FBXL7: variants seen among roughly 807,000 people sequenced by gnomAD.
The protein encoded by FBXL7 is F-box/LRR-repeat protein 7.
FBXL7 carries 12 observed loss-of-function variants against 38.3 expected under a neutral mutation model. The ratio of observed to expected loss-of-function variants is 0.31; its 90% CI spans 0.20 to 0.51. FBXL7 has a LOEUF of 0.51. Among genes scored for constraint, FBXL7 ranks in the 20% least tolerant of loss-of-function variants. The pLI is 0.98. For missense variants in FBXL7, 567 were observed against 676.4 expected (o/e 0.84, Z 1.79); for synonymous variants, 297 against 300.9 (o/e 0.99, Z 0.13).
In FBXL7 at chr5:15,644,506, A is replaced by G. The variant is rs144277416; in HGVS notation, c.127+28434A>G. On this transcript the variant is annotated intron_variant, in intron 2 of 3. Transcript: ENST00000504595. ...AAATGGTAATGACTTCTCTCCTGCC[A>G]CATCAAAGGTGGAACGTGGGTGGTG... is the stretch of plus-strand genomic sequence containing the variant. 1.8e-3 allele frequency among the ~76,000 whole-genome samples: 268 copies of G among 151,860 alleles called. 1 individual carries two copies. The highest frequency in any genetic ancestry group is 6.2e-3 in the African/African-American group (255 of 41,398).
intron 2 of FBXL7, among the ~76,000 whole-genome samples, chr5:15,851,128 A>G (rs982161059): frequency 3.3e-5 from 5 of 152,100 alleles, no homozygotes; most frequent in Non-Finnish European, 7.3e-5. Context: ...GGATACACAC[A>G]CCCGGCCATT....
At chr5:15,834,830 GATTAC>G (rs1203396825) in intron 2 of FBXL7, among the ~76,000 whole-genome samples, 2 of 152,152 alleles carry the variant, frequency 1.3e-5, no homozygotes, top group Admixed American at 1.3e-4. Context: ...GGAGTATGCA[GATTAC>G]AGAAGTGCTC....
chr5:15,503,858 A>C (rs1045698220), intron 1 of FBXL7, among the ~76,000 whole-genome samples: 2 of 152,226 alleles, frequency 1.3e-5, no homozygotes, highest in African/African-American at 4.8e-5. Flanking sequence ...ATGTTTGTTG[A>C]ATATTACAAA....
chr5:15,673,131 C>T (rs912437079), intron 2 of FBXL7, among the ~76,000 whole-genome samples: 2 of 152,030 alleles, frequency 1.3e-5, no homozygotes, highest in African/African-American at 2.4e-5. Context: ...GCCTGGCCAA[C>T]ATGGCAAAAC....
chr5:15,806,114 A>T (rs1001569365), intron 2 of FBXL7, among the ~76,000 whole-genome samples: 3 of 152,198 alleles, frequency 2.0e-5, no homozygotes, highest in African/African-American at 7.2e-5. Context: ...AGAAGGACAA[A>T]ATGACTTAAA....
At chr5:15,785,546 T>C (rs1008156596) in intron 2 of FBXL7, among the ~76,000 whole-genome samples, 1 of 152,328 alleles carries the variant, frequency 6.6e-6, no homozygotes, top group African/African-American at 2.4e-5. Flanking sequence ...TTCTGTGCTT[T>C]CAAGCATGTA....
chr5:15,920,300 T>C (rs528733181), intron 2 of FBXL7, among the ~76,000 whole-genome samples: 1 of 152,026 alleles, frequency 6.6e-6, no homozygotes, highest in East Asian at 1.9e-4. Context: ...ATGCAATGAC[T>C]CCTCCCTTTC....
At chr5:15,837,364 A>G (rs1392872583) in intron 2 of FBXL7, among the ~76,000 whole-genome samples, 1 of 152,226 alleles carries the variant, frequency 6.6e-6, no homozygotes, top group Non-Finnish European at 1.5e-5. Context: ...GAAATTCTAA[A>G]GCATTTTAAG....
intron 1 of FBXL7, among the ~76,000 whole-genome samples, chr5:15,599,491 T>C (rs556857039): frequency 9.2e-5 from 14 of 152,298 alleles, no homozygotes; most frequent in African/African-American, 2.9e-4. Context: ...AGCTTTTAGG[T>C]CTTTTTGGAT....
intron 2 of FBXL7, among the ~76,000 whole-genome samples, chr5:15,774,209 T>G (rs1465717124): frequency 6.6e-6 from 1 of 152,096 alleles, no homozygotes; most frequent in Non-Finnish European, 1.5e-5. Flanking sequence ...TTTTCTCACC[T>G]TGTCATTCAA....
intron 2 of FBXL7, among the ~76,000 whole-genome samples, chr5:15,869,296 C>A (rs934763787): frequency 6.6e-6 from 1 of 152,088 alleles, no homozygotes; most frequent in Non-Finnish European, 1.5e-5. Flanking sequence ...GGTGTGAATA[C>A]CAGGAAGCAG....
intron 2 of FBXL7, among the ~76,000 whole-genome samples, chr5:15,854,185 T>G (rs1561153389): frequency 6.6e-6 from 1 of 152,146 alleles, no homozygotes; most frequent in Admixed American, 6.5e-5. Context: ...TAAACAACCA[T>G]CTGTTAGTAA....
intron 2 of FBXL7, among the ~76,000 whole-genome samples, chr5:15,768,383 T>C (rs565795861): frequency 2.2e-4 from 34 of 151,862 alleles, no homozygotes; most frequent in Non-Finnish European, 4.7e-4. Context: ...TACAAAAAAT[T>C]AGCCTGGCGT....
intron 2 of FBXL7, among the ~76,000 whole-genome samples, chr5:15,918,323 A>C (rs1741653883): frequency 6.6e-6 from 1 of 152,168 alleles, no homozygotes; most frequent in South Asian, 2.1e-4. Context: ...AACCATGAAG[A>C]GTCTGATGGA....
intron 2 of FBXL7, among the ~76,000 whole-genome samples, chr5:15,691,828 A>C (rs1743192323): frequency 6.6e-6 from 1 of 152,174 alleles, no homozygotes. Context: ...GACTGAGAAA[A>C]GGGAAGTCTG....
At chr5:15,816,708 T>G (rs1287732881) in intron 2 of FBXL7, among the ~76,000 whole-genome samples, 1 of 152,248 alleles carries the variant, frequency 6.6e-6, no homozygotes, top group African/African-American at 2.4e-5. Context: ...ATCTGTCTAC[T>G]ACTCTGTTCT....
chr5:15,593,411 C>A (rs1724737104), intron 1 of FBXL7, among the ~76,000 whole-genome samples: 1 of 152,130 alleles, frequency 6.6e-6, no homozygotes, highest in Non-Finnish European at 1.5e-5. Flanking sequence ...GTAATCCCAG[C>A]TTCTAGGGAG....
At chr5:15,851,114 G>A (rs1410699282) in intron 2 of FBXL7, among the ~76,000 whole-genome samples, 1 of 152,124 alleles carries the variant, frequency 6.6e-6, no homozygotes, top group Non-Finnish European at 1.5e-5. Context: ...CATGTAATCA[G>A]CAAGGATACA....
rs76320277 is a variant in FBXL7, at chr5:15,769,081, G to A, written c.127+153009G>A. ...GACAGGCAGCAGGGCATAGAGGCAC[G>A]GAGGCTGCATGGAGATCCCTCACTG... On this transcript the variant is annotated intron_variant, in intron 2 of 3. Transcript: ENST00000504595. Among the ~76,000 whole-genome samples, 318 of 152,264 alleles carry A rather than the reference G, an allele frequency of 2.1e-3. 1 individual carries two copies. Among genetic ancestry groups the A allele is most frequent in the African/African-American group, 6.7e-3 (280 of 41,546 alleles).
Sources: gnomAD v4.1 joint callset for allele counts (sites outside exome capture counted in the v4.1 genomes callset) on GRCh38, gnomAD v4.1.1 for gene constraint, MANE v1.5 for transcripts, NCBI Gene and HGNC (gene_info 2026-07-23, HGNC 2026-07-21) for gene names.